Variants in KANK4 observed in about 807,000 individuals in gnomAD.
The protein encoded by KANK4 is KN motif and ankyrin repeat domains 4, also known as KN motif and ankyrin repeat domain-containing protein 4.
In KANK4, 50 loss-of-function variants were observed where a neutral mutation model predicts 80.8. The ratio of observed to expected loss-of-function variants is 0.62; its 90% CI spans 0.49 to 0.78. The LOEUF (loss-of-function observed/expected upper bound fraction) is 0.78. Among genes scored for constraint, KANK4 ranks in the 30% least tolerant of loss-of-function variants. KANK4 has a pLI of 0.00. For synonymous variants in KANK4, 465 were observed against 506.9 expected (o/e 0.92, Z 1.11); for missense variants, 1,196 against 1,240.1 (o/e 0.96, Z 0.53).
chr1:62,277,056 T>C (rs779850358), intron 2 of KANK4, among the ~76,000 whole-genome samples: 3 of 152,208 alleles, frequency 2.0e-5, no homozygotes, highest in African/African-American at 7.2e-5. Context: ...TGAGCACCTA[T>C]GTGCTAAGCT....
intron 1 of KANK4, among the ~76,000 whole-genome samples, chr1:62,314,250 G>T (rs1201117261): frequency 6.6e-6 from 1 of 152,122 alleles, no homozygotes; most frequent in Non-Finnish European, 1.5e-5. Context: ...CTGACCTCAG[G>T]TGATTGGCCT....
At chr1:62,280,654 G>T (rs1317514513) in intron 2 of KANK4, among the ~76,000 whole-genome samples, 1 of 152,180 alleles carries the variant, frequency 6.6e-6, no homozygotes, top group East Asian at 1.9e-4. Context: ...CTAGACTGTG[G>T]CCTTCTGCAA....
chr1:62,270,792 G>C (rs141105616), intron 4 of KANK4, among the ~76,000 whole-genome samples: 5 of 152,200 alleles, frequency 3.3e-5, no homozygotes, highest in African/African-American at 1.2e-4. Context: ...TTCAGGGTTT[G>C]GGCTTCCACA....
At chr1:62,239,423 G>A (rs1671285943) in intron 9 of KANK4, among the ~76,000 whole-genome samples, 1 of 151,944 alleles carries the variant, frequency 6.6e-6, no homozygotes, top group South Asian at 2.1e-4. Context: ...CCTTTCAGTG[G>A]AAATGTATGT....
At chr1:62,281,401 G>A (rs1672447896) in intron 2 of KANK4, 148 bp downstream of exon 2, 1 of 962,428 alleles carries the variant, frequency 1.0e-6, no homozygotes, top group Non-Finnish European at 1.7e-6. Context: ...CACAAAATCT[G>A]AAATACATGC....
At chr1:62,240,784 G>A (rs1368065943) in intron 9 of KANK4, among the ~76,000 whole-genome samples, 1 of 152,132 alleles carries the variant, frequency 6.6e-6, no homozygotes, top group African/African-American at 2.4e-5. Context: ...ACATTGACAC[G>A]GTGATGCAGG....
intron 8 of KANK4, among the ~76,000 whole-genome samples, chr1:62,250,176 T>G (rs1012282632): frequency 7.3e-5 from 11 of 150,638 alleles, no homozygotes; most frequent in Admixed American, 5.9e-4. Context: ...TTAGTAGAGA[T>G]AGGGTTTCAC....
At chr1:62,267,117 A>G (rs2149136029) in intron 5 of KANK4, among the ~76,000 whole-genome samples, 1 of 152,204 alleles carries the variant, frequency 6.6e-6, no homozygotes, top group African/African-American at 2.4e-5. Flanking sequence ...GGGGTGGTGG[A>G]CAGGCCCACC....
At chr1:62,314,861 G>T (rs1036345646) in intron 1 of KANK4, among the ~76,000 whole-genome samples, 1 of 152,206 alleles carries the variant, frequency 6.6e-6, no homozygotes, top group South Asian at 2.1e-4. Flanking sequence ...ACAGTGAAGT[G>T]ATCCTTTTGA....
chr1:62,277,115 G>C lies in KANK4; in HGVS notation c.17-2028C>G, dbSNP rs569906725. 3.3e-4 allele frequency among the ~76,000 whole-genome samples: 50 copies of C among 152,318 alleles called. No homozygotes were observed. In the South Asian group the frequency reaches 0.01, roughly 32 times the overall value. On this transcript the variant is annotated intron_variant, in intron 2 of 9. Transcript: ENST00000371153. ...ATCAGGTTCAGCCTCTGCCTTCAAA[G>C]GATTTATGATGAGGCAGGAGAGACA...
At chr1:62,271,231 C>T (rs1672154153) in intron 4 of KANK4, among the ~76,000 whole-genome samples, 1 of 152,192 alleles carries the variant, frequency 6.6e-6, no homozygotes, top group African/African-American at 2.4e-5. Flanking sequence ...CAGAAGCCAC[C>T]TGGAGTCCTG....
intron 1 of KANK4, among the ~76,000 whole-genome samples, chr1:62,298,843 T>A (rs1557505449): frequency 6.6e-6 from 1 of 152,226 alleles, no homozygotes; most frequent in African/African-American, 2.4e-5. Flanking sequence ...TATTATTTAT[T>A]GAGAGTTGTT....
intron 1 of KANK4, among the ~76,000 whole-genome samples, chr1:62,285,839 G>A (rs1233328880): frequency 3.9e-5 from 6 of 151,958 alleles, no homozygotes; most frequent in African/African-American, 1.5e-4. Context: ...GATGATGAGA[G>A]CTTCCTCTTT....
intron 9 of KANK4, among the ~76,000 whole-genome samples, chr1:62,240,016 T>C (rs911487052): frequency 6.6e-6 from 1 of 152,230 alleles, no homozygotes; most frequent in Non-Finnish European, 1.5e-5. Context: ...TTATAGTCCT[T>C]TGGGTATATA....
At chr1:62,267,695 A>G (rs142422649) in intron 5 of KANK4, among the ~76,000 whole-genome samples, 1 of 151,976 alleles carries the variant, frequency 6.6e-6, no homozygotes, top group African/African-American at 2.4e-5. Flanking sequence ...CCAGCTACTC[A>G]GGAGACTGAG....
At chr1:62,250,239 C>T (rs975852190) in intron 8 of KANK4, among the ~76,000 whole-genome samples, 1 of 151,958 alleles carries the variant, frequency 6.6e-6, no homozygotes, top group African/African-American at 2.4e-5. Context: ...CAGCCCGCCT[C>T]GGCCTCCCAA....
At chr1:62,243,847 A>G (rs1469030581) in intron 9 of KANK4, among the ~76,000 whole-genome samples, 1 of 152,148 alleles carries the variant, frequency 6.6e-6, no homozygotes, top group African/African-American at 2.4e-5. Flanking sequence ...TTCTCCCTTC[A>G]GGGGTCAGTC....
intron 9 of KANK4, among the ~76,000 whole-genome samples, chr1:62,240,218 A>G (rs1165825913): frequency 6.6e-6 from 1 of 152,204 alleles, no homozygotes; most frequent in Admixed American, 6.5e-5. Context: ...TAACTGGTGT[A>G]AGATGGTATC....
chr1:62,271,683 A>G, intron 3 of KANK4, 94 bp from the exon 4 acceptor site: 1 of 906,760 alleles, frequency 1.1e-6, no homozygotes, highest in Non-Finnish European at 1.8e-6. Context: ...CAAGGGTTGC[A>G]GGTGTGTGGA....
Sources: gnomAD v4.1 joint callset for allele counts (sites outside exome capture counted in the v4.1 genomes callset) on GRCh38, gnomAD v4.1.1 for gene constraint, MANE v1.5 for transcripts, NCBI Gene and HGNC (gene_info 2026-07-23, HGNC 2026-07-21) for gene names.